AFF4: variants seen among roughly 807,000 people sequenced by gnomAD.
AFF4 encodes the protein AF4/FMR2 family member 4.
Under a neutral mutation model 124.8 loss-of-function variants are expected in AFF4, and 13 were observed. The ratio of observed to expected loss-of-function variants is 0.10; its 90% confidence interval spans 0.07 to 0.17. The LOEUF is 0.17. Among genes scored for constraint, AFF4 ranks in the 10% least tolerant of loss-of-function variants. The pLI is 1.00. For synonymous variants in AFF4, 477 were observed against 496.1 expected (o/e 0.96, Z 0.51); for missense variants, 1,092 against 1,403.8 (o/e 0.78, Z 3.55).
chr5:132,939,632 C>T (rs534105979), intron 1 of AFF4, among the ~76,000 whole-genome samples: 13 of 152,150 alleles, frequency 8.5e-5, no homozygotes, highest in African/African-American at 2.4e-4. Flanking sequence ...TTTTTTGAGA[C>T]GAAGTCTCGC....
intron 1 of AFF4, among the ~76,000 whole-genome samples, chr5:132,941,437 G>A (rs1761566391): frequency 6.6e-6 from 1 of 152,068 alleles, no homozygotes. Flanking sequence ...AGGTTCAAAT[G>A]ATTCTCATGC....
At chr5:132,936,266 C>CAAAAAAAAAAAAAAA (rs747936348) in intron 2 of AFF4, among the ~76,000 whole-genome samples, 2 of 45,460 alleles carry the variant, frequency 4.4e-5, no homozygotes, top group African/African-American at 1.8e-4. Flanking sequence ...GACTCCGTCT[C>CAAAAAAAAAAAAAAA]AAAAAAAAAA....
At position 132,878,763 on chromosome 5, in the gene AFF4, C is replaced by G. The variant is rs1169978103; in HGVS notation, c.*2296G>C. The G allele has an allele frequency of 1.3e-5, 3 of 224,984 alleles. No homozygotes were observed. The highest frequency in any genetic ancestry group is 4.5e-5 in the African/African-American group (2 of 44,918). The allele number at this position is 224,984 out of a possible 1,614,324, so 13.9% of individuals were successfully genotyped here. ...AGCACCATAAACCATGCAGGAAACT[C>G]TGCTTTAACAAAATATCAGTGTGAC... is the stretch of plus-strand genomic sequence containing the variant. On this transcript the variant is annotated 3_prime_UTR_variant, in exon 21 of 21. Coordinates refer to ENST00000265343, the MANE Select transcript of AFF4 (RefSeq NM_014423.4).
chr5:132,932,839 G>A (rs927354416), intron 3 of AFF4, among the ~76,000 whole-genome samples: 2 of 152,148 alleles, frequency 1.3e-5, no homozygotes, highest in Non-Finnish European at 2.9e-5. Context: ...TTAGAGAGCC[G>A]AACTCAAGTC....
chr5:132,875,664 A>G lies in AFF4; in HGVS notation c.*5395T>C, dbSNP rs1196659774. 6.0e-5 allele frequency: 12 copies of G among 199,638 alleles called. No individual in the cohort carries two copies. The highest frequency in any genetic ancestry group is 1.0e-5 in the Non-Finnish European group (1 of 96,496). 12.4% of individuals were successfully genotyped at this position (199,638 alleles called of 1,614,324 possible). On this transcript the variant is annotated 3_prime_UTR_variant, in exon 21 of 21. Coordinates refer to ENST00000265343, the MANE Select transcript of AFF4 (RefSeq NM_014423.4). ...AGATGTGGAAAAATCTAGTTAGTAT[A>G]TAATACTTTGCTCACCATTAACAGC...
At chr5:132,891,202 A>G (rs1270850216) in intron 13 of AFF4, among the ~76,000 whole-genome samples, 1 of 152,066 alleles carries the variant, frequency 6.6e-6, no homozygotes, top group Non-Finnish European at 1.5e-5. Flanking sequence ...TTGTGCTAAC[A>G]CTAAACTACT....
chr5:132,948,995 C>G (rs921174082), intron 1 of AFF4, among the ~76,000 whole-genome samples: 1 of 151,998 alleles, frequency 6.6e-6, no homozygotes, highest in South Asian at 2.1e-4. Flanking sequence ...AGAAGATGCT[C>G]TCTTCTGAGA....
rs1377855957 is a variant in AFF4, at chr5:132,879,022, T to G, written c.*2037A>C. On this transcript the variant is annotated 3_prime_UTR_variant, in exon 21 of 21. Coordinates refer to ENST00000265343, the MANE Select transcript of AFF4 (RefSeq NM_014423.4). ...TCTTACTAAATAACTATCATGATCA[T>G]TGAGAAGTTGTCCTCTTATGGAAAA... The G allele has an allele frequency of 1.3e-5, 3 of 222,460 alleles. No homozygotes were observed. The highest frequency in any genetic ancestry group is 2.7e-5 in the Non-Finnish European group (3 of 111,470). The allele number at this position is 222,460 out of a possible 1,614,324, so 13.8% of individuals were successfully genotyped here. A position where few individuals can be genotyped will look rare whatever the true frequency, so the allele number is the denominator to read the frequency against.
At chr5:132,937,485 T>C (rs898504585) in intron 1 of AFF4, among the ~76,000 whole-genome samples, 7 of 152,236 alleles carry the variant, frequency 4.6e-5, no homozygotes, top group African/African-American at 1.7e-4. Context: ...CAAAAACTTG[T>C]ACATTCAGAG....
rs1759859899 is a variant in AFF4 at position 132,877,242 on chromosome 5, T to C, written c.*3817A>G. 1 of 208,806 alleles carries C rather than the reference T, an allele frequency of 4.8e-6. No homozygotes were observed. Among genetic ancestry groups the C allele is most frequent in the Non-Finnish European group, 9.8e-6 (1 of 102,382 alleles). 12.9% of individuals were successfully genotyped at this position (208,806 alleles called of 1,614,324 possible). On this transcript the variant is annotated 3_prime_UTR_variant, in exon 21 of 21. Transcript: ENST00000265343. ...CAAAATATATAATGAGGCCATACTG[T>C]TCAATTAGCAACTGGAAAATTAAAA...
chr5:132,952,771 G>A (rs556988062), intron 1 of AFF4, among the ~76,000 whole-genome samples: 2 of 152,214 alleles, frequency 1.3e-5, no homozygotes, highest in African/African-American at 4.8e-5. Context: ...AGTGGTGCAT[G>A]CCTGTAATTC....
Position 132,880,029 on chromosome 5 carries a change from T to C in AFF4, c.*1030A>G. ...TTCTGTATCAGTCATTGCATGCTCA[T>C]ATCAGAGCATCACAATCCAGTATGA... On this transcript the variant is annotated 3_prime_UTR_variant, in exon 21 of 21. Coordinates refer to ENST00000265343, the MANE Select transcript of AFF4 (RefSeq NM_014423.4). The C allele has an allele frequency of 2.5e-6, 1 of 392,652 alleles. No individual in the cohort carries two copies. Among genetic ancestry groups the C allele is most frequent in the Non-Finnish European group, 4.5e-6 (1 of 222,658 alleles). 24.3% of individuals were successfully genotyped at this position (392,652 alleles called of 1,614,324 possible).
At chr5:132,884,352 G>A (rs186821828) in intron 19 of AFF4, among the ~76,000 whole-genome samples, 1 of 152,222 alleles carries the variant, frequency 6.6e-6, no homozygotes, top group African/African-American at 2.4e-5. Flanking sequence ...TGATTCTCCT[G>A]CCTCAGCCTC....
chr5:132,892,772 C>T (rs567646576), intron 12 of AFF4, among the ~76,000 whole-genome samples: 1 of 149,352 alleles, frequency 6.7e-6, no homozygotes, highest in South Asian at 2.1e-4. Flanking sequence ...AGTGGCATAG[C>T]TTTACTTTAA....
chr5:132,883,987 T>C (rs565077152), intron 19 of AFF4, among the ~76,000 whole-genome samples: 4 of 152,366 alleles, frequency 2.6e-5, no homozygotes, highest in Admixed American at 6.5e-5. Flanking sequence ...ACATCTTTTA[T>C]TGAACTCCAC....
rs780113675 is a variant in AFF4, at chr5:132,883,594, G to C, written c.3144-34C>G. The C allele has an allele frequency of 3.2e-6, 5 of 1,583,824 alleles. No homozygotes were observed. In the Admixed American group the frequency reaches 6.8e-5, roughly 21 times the overall value. ...CAGAAATAGGAAGCTTGTTCATATG[G>C]ACATGGTAAGCATTATAAAATCAAG... On this transcript the variant is annotated intron_variant, in intron 19 of 20. Coordinates refer to ENST00000265343, the MANE Select transcript of AFF4 (RefSeq NM_014423.4).
chr5:132,886,796 G>A (rs1242261606), intron 17 of AFF4, among the ~76,000 whole-genome samples: 3 of 152,098 alleles, frequency 2.0e-5, no homozygotes, highest in Non-Finnish European at 2.9e-5. Flanking sequence ...TATAAAGACC[G>A]TGCAGGATCA....
Position 132,878,553 on chromosome 5 carries a change from G to A in AFF4, c.*2506C>T, listed in dbSNP as rs1759895235. 1 of 231,586 alleles carries A rather than the reference G, an allele frequency of 4.3e-6. No homozygotes were observed. Among genetic ancestry groups the A allele is most frequent in the African/African-American group, 2.2e-5 (1 of 45,222 alleles). 14.3% of individuals were successfully genotyped at this position (231,586 alleles called of 1,614,324 possible). On this transcript the variant is annotated 3_prime_UTR_variant, in exon 21 of 21. Coordinates refer to ENST00000265343, the MANE Select transcript of AFF4 (RefSeq NM_014423.4). ...ATGATGACAAAGACAGAACATCTAA[G>A]AAGATAGACATGGAGGAAAGGGAGT... is the stretch of plus-strand genomic sequence containing the variant.
At chr5:132,912,669 A>G (rs1760819717) in intron 5 of AFF4, among the ~76,000 whole-genome samples, 1 of 152,178 alleles carries the variant, frequency 6.6e-6, no homozygotes, top group Non-Finnish European at 1.5e-5. Flanking sequence ...CCTAAAAGAT[A>G]ATATATTGTT....
Sources: gnomAD v4.1 joint callset for allele counts (sites outside exome capture counted in the v4.1 genomes callset) on GRCh38, gnomAD v4.1.1 for gene constraint, MANE v1.5 for transcripts, NCBI Gene and HGNC (gene_info 2026-07-23, HGNC 2026-07-21) for gene names.